The following PTBP1 variants were observed in gnomAD, a reference collection of about 807,000 sequenced individuals.
PTBP1 encodes the protein polypyrimidine tract binding protein 1.
A neutral mutation model predicts 59.8 loss-of-function variants in PTBP1; 8 were observed. The observed-to-expected ratio is 0.13, with a 90% CI of 0.08 to 0.24. The LOEUF (loss-of-function observed/expected upper bound fraction) is 0.24, where lower values mean the gene tolerates loss of function less well. Ranked by LOEUF, PTBP1 falls within the 10% of genes least tolerant of loss-of-function variation. PTBP1 has a pLI of 1.00. For missense variants in PTBP1, 686 were observed against 767.0 expected, an observed-to-expected ratio of 0.89 and a Z score of 1.25; for synonymous variants, 490 against 320.7, an observed-to-expected ratio of 1.53 and a Z score of -5.64.
In PTBP1 at chr19:806,434, G is replaced by T; in HGVS notation, c.997G>T (p.Ala333Ser). The part of the protein sequence containing the change: ...AGLSVPNVHG[A>S]LAPLAIPSAA... The stretch of plus-strand genomic sequence containing the variant: ...CCTTTCCGTTCCGAACGTCCACGGC[G>T]CCCTGGCCCCCCTGGCCATCCCCTC... Residue 333 changes from alanine to serine, a missense_variant, in exon 10 of 15, where the codon GCC becomes TCC. Transcript: ENST00000356948. 6.2e-7 allele frequency: 1 copy of T among 1,601,784 alleles called. No homozygotes were observed. Among genetic ancestry groups the T allele is most frequent in the Non-Finnish European group, 8.5e-7 (1 of 1,174,564 alleles).
At chr19:798,865 C>T (rs932392582) in intron 1 of PTBP1, among the ~76,000 whole-genome samples, 1 of 152,210 alleles carries the variant, frequency 6.6e-6, no homozygotes, top group Non-Finnish European at 1.5e-5. Flanking sequence ...GTAACTGAGG[C>T]TGTGTTCTGG....
Position 804,184 on chromosome 19 carries a change from C to T in PTBP1, c.264C>T (p.Leu88=), listed in dbSNP as rs61757784. The change falls in exon 4 of 15, where the codon CTC becomes CTT. Residue 88 remains leucine (L), a synonymous_variant. Transcript: ENST00000356948. ...LGLPFGKVTN[L]LMLKGKNQAF... is the part of the protein sequence containing the mutation. ...TGCCCTTTGGGAAGGTCACCAACCT[C>T]CTGATGCTGAAGGGGAAAAACCAGG... The T allele has an allele frequency of 4.0e-3, 6,472 of 1,609,044 alleles. 18 individuals are homozygous for T. The highest frequency in any genetic ancestry group is 8.1e-3 in the Admixed American group (481 of 59,592).
rs757282180 is a variant in PTBP1, at chr19:808,516, C to G, written c.1247-30C>G. 4 of 1,560,814 alleles carry G rather than the reference C, an allele frequency of 2.6e-6. No homozygotes were observed. The highest frequency in any genetic ancestry group is 3.5e-6 in the Non-Finnish European group (4 of 1,154,606). ...GGCGGGGGCTGCGTTCCCTCTCGGGCGCCTGGTCACGCGGGTGCTGCTCCC... is the reference window on the plus strand; with the variant it reads ...GGCGGGGGCTGCGTTCCCTCTCGGGGGCCTGGTCACGCGGGTGCTGCTCCC... On this transcript the variant is annotated intron_variant, in intron 12 of 14. Coordinates refer to ENST00000356948, the MANE Select transcript of PTBP1 (RefSeq NM_002819.5). This position sits in a 1 kb window ranked among gnomAD's most constrained non-coding sequence, Gnocchi z 4.7.
In PTBP1 at chr19:811,888, CCT is replaced by C. The variant is rs2034895142; in HGVS notation, c.*1065_*1066del. The C allele has an allele frequency of 6.6e-6, 1 of 151,810 alleles. No homozygotes were observed. The highest frequency in any genetic ancestry group is 1.5e-5 in the Non-Finnish European group (1 of 67,888). The allele number at this position is 151,810 out of a possible 1,614,324, so 9.4% of individuals were successfully genotyped here. A position where few individuals can be genotyped will look rare whatever the true frequency, so the allele number is the denominator to read the frequency against. ...AAGTCTCATTTCTGTGTTTTGCCTGCCTCTGATGCTGGGACCCGGAAGGCGGG... is the reference window on the plus strand; with the variant it reads ...AAGTCTCATTTCTGTGTTTTGCCTGCCTGATGCTGGGACCCGGAAGGCGGG... On this transcript the variant is annotated 3_prime_UTR_variant, in exon 15 of 15. Coordinates refer to ENST00000356948, the MANE Select transcript of PTBP1 (RefSeq NM_002819.5).
At position 804,711 on chromosome 19, in the gene PTBP1, G is replaced by A; in HGVS notation, c.606+9G>A. ...TGGATGTGCTGCACCAGGTGAGGTG[G>A]TCCCATCACCGCCAGGGCAGGTCGG... On this transcript the variant is annotated intron_variant, in intron 6 of 14. Transcript: ENST00000356948. 1 of 1,610,832 alleles carries A rather than the reference G, an allele frequency of 6.2e-7. No individual in the cohort carries two copies. The highest frequency in any genetic ancestry group is 8.5e-7 in the Non-Finnish European group (1 of 1,177,780).
chr19:797,730 C>T (rs969786084), intron 1 of PTBP1, among the ~76,000 whole-genome samples: 5 of 148,386 alleles, frequency 3.4e-5, no homozygotes, highest in South Asian at 2.1e-4. Context: ...TTCCGGCCCC[C>T]GCGCGCCCCG....
In PTBP1 at chr19:810,854, C is replaced by T. The variant is rs745623176; in HGVS notation, c.*28C>T. ...GCACAGGCCCCCACGGCCGGGCCCC[C>T]TGGCGACAACTTCCATCATTCCAGA... On this transcript the variant is annotated 3_prime_UTR_variant, in exon 15 of 15. Coordinates refer to ENST00000356948, the MANE Select transcript of PTBP1 (RefSeq NM_002819.5). 12 of 1,503,674 alleles carry T rather than the reference C, an allele frequency of 8.0e-6. No individual in the cohort carries two copies. Among genetic ancestry groups the T allele is most frequent in the Admixed American group, 7.6e-5 (3 of 39,618 alleles). The allele number at this position is 1,503,674 out of a possible 1,614,324, so 93.1% of individuals were successfully genotyped here.
chr19:799,557 G>T, intron 2 of PTBP1, 114 bp downstream of exon 2: 1 of 1,019,222 alleles, frequency 9.8e-7, no homozygotes, highest in Non-Finnish European at 1.6e-6. Context: ...ATTCCTAAGG[G>T]GCACTACCCT....
rs1254452329 is a variant in PTBP1, at chr19:806,468, C to T, written c.1031C>T (p.Ala344Val). 5 of 1,593,108 alleles carry T rather than the reference C, an allele frequency of 3.1e-6. No individual in the cohort carries two copies. The highest frequency in any genetic ancestry group is 4.3e-6 in the Non-Finnish European group (5 of 1,170,930). The change falls in exon 10 of 15, where the codon GCG (alanine) becomes GTG (valine). Residue 344 changes from alanine (A) to valine (V), a missense_variant. Transcript: ENST00000356948. Reference protein sequence around the residue: ...LAPLAIPSAAAAAAAAGRIAI... With the variant: ...LAPLAIPSAAVAAAAAGRIAI... The stretch of plus-strand genomic sequence containing the variant: ...CCCCTGGCCATCCCCTCGGCGGCGG[C>T]GGCAGCTGCGGCGGCAGGTCGGATC...
At position 805,061 on chromosome 19, in the gene PTBP1, G is replaced by C; in HGVS notation, c.766G>C (p.Asp256His). 6.2e-7 allele frequency: 1 copy of C among 1,613,840 alleles called. No individual in the cohort carries two copies. Among genetic ancestry groups the C allele is most frequent in the Non-Finnish European group, 8.5e-7 (1 of 1,179,890 alleles). ...CAACGCCTGCTGCACGCTGCGCATC[G>C]ACTTTTCCAAGCTCACCAGCCTCAA... ...IYNACCTLRI[D>H]FSKLTSLNVK... Residue 256 changes from aspartate to histidine, a missense_variant, in exon 8 of 15, where the codon GAC becomes CAC. Physicochemically the swap from Asp to His is moderately conservative, Grantham distance 81. Transcript: ENST00000356948.
chr19:804,758 G>A (rs2034487001), intron 6 of PTBP1, 56 bp downstream of exon 6: 3 of 1,609,266 alleles, frequency 1.9e-6, no homozygotes, highest in East Asian at 4.5e-5. Context: ...GTGGGCACAG[G>A]CACACGGGAG....
In PTBP1 at chr19:808,878, C is replaced by G. The variant is rs1199358789; in HGVS notation, c.1463+116C>G. 3 of 987,742 alleles carry G rather than the reference C, an allele frequency of 3.0e-6. No homozygotes were observed. Among genetic ancestry groups the G allele is most frequent in the Non-Finnish European group, 4.6e-6 (3 of 655,990 alleles). 61.2% of individuals were successfully genotyped at this position (987,742 alleles called of 1,614,324 possible). On this transcript the variant is annotated intron_variant, in intron 13 of 14. Transcript: ENST00000356948. The surrounding 1 kb of genome is among the most constrained non-coding windows in gnomAD (Gnocchi z 4.7). ...TTTCCAGAGTGCAGGTCGGGCACCT[C>G]TTACCCCAAACCTGAAGTACTGCAA... is the stretch of plus-strand genomic sequence containing the variant.
At chr19:802,826 T>G (rs532567165) in intron 2 of PTBP1, among the ~76,000 whole-genome samples, 2 of 152,210 alleles carry the variant, frequency 1.3e-5, no homozygotes, top group Non-Finnish European at 2.9e-5. Context: ...TTCTTAGAAG[T>G]TGATCCAATT....
At chr19:806,884 G>A (rs1282294730) in intron 10 of PTBP1, 5 of 226,128 alleles carry the variant, frequency 2.2e-5, no homozygotes, top group Non-Finnish European at 4.3e-5. Flanking sequence ...GCTGGTCAGC[G>A]GGACACACAG....
In PTBP1 at chr19:808,492, G is replaced by A; in HGVS notation, c.1246+40G>A. 6.4e-7 allele frequency: 1 copy of A among 1,558,090 alleles called. No individual in the cohort carries two copies. Among genetic ancestry groups the A allele is most frequent in the African/African-American group, 1.4e-5 (1 of 73,574 alleles). ...CGGCCCCGGGGTGGAGGGGGCAGGGGCGGGGGCTGCGTTCCCTCTCGGGCG... is the reference window on the plus strand; with the variant it reads ...CGGCCCCGGGGTGGAGGGGGCAGGGACGGGGGCTGCGTTCCCTCTCGGGCG... On this transcript the variant is annotated intron_variant, in intron 12 of 14. Coordinates refer to ENST00000356948, the MANE Select transcript of PTBP1 (RefSeq NM_002819.5). The surrounding 1 kb of genome is among the most constrained non-coding windows in gnomAD (Gnocchi z 4.7).
intron 3 of PTBP1, 68 bp from the exon 4 acceptor site, chr19:803,968 A>G: frequency 6.3e-7 from 1 of 1,578,686 alleles, no homozygotes; most frequent in Non-Finnish European, 8.7e-7. Flanking sequence ...CTCTAGGGGG[A>G]TAGCAGGGAC....
In PTBP1 at chr19:808,883, C is replaced by T. The variant is rs915843466; in HGVS notation, c.1463+121C>T. 4.3e-6 allele frequency: 4 copies of T among 928,044 alleles called. No individual in the cohort carries two copies. Among genetic ancestry groups the T allele is most frequent in the South Asian group, 3.2e-5 (2 of 63,420 alleles). 57.5% of individuals were successfully genotyped at this position (928,044 alleles called of 1,614,324 possible). On this transcript the variant is annotated intron_variant, in intron 13 of 14. Coordinates refer to ENST00000356948, the MANE Select transcript of PTBP1 (RefSeq NM_002819.5). The surrounding 1 kb of genome is among the most constrained non-coding windows in gnomAD (Gnocchi z 4.7). ...AGAGTGCAGGTCGGGCACCTCTTAC[C>T]CCAAACCTGAAGTACTGCAAGGCCT... is the stretch of plus-strand genomic sequence containing the variant.
Position 811,071 on chromosome 19 carries a change from A to C in PTBP1, c.*245A>C, listed in dbSNP as rs1268888224. 1 of 427,422 alleles carries C rather than the reference A, an allele frequency of 2.3e-6. No individual in the cohort carries two copies. The highest frequency in any genetic ancestry group is 4.1e-6 in the Non-Finnish European group (1 of 245,934). 26.5% of individuals were successfully genotyped at this position (427,422 alleles called of 1,614,324 possible). A position where few individuals can be genotyped will look rare whatever the true frequency, so the allele number is the denominator to read the frequency against. On this transcript the variant is annotated 3_prime_UTR_variant, in exon 15 of 15. Coordinates refer to ENST00000356948, the MANE Select transcript of PTBP1 (RefSeq NM_002819.5). ...TTCCCGGCCCTCCACACCCGGGGCCAGACCCTCGGGGCCATGCCTTGGTGG... is the reference window on the plus strand; with the variant it reads ...TTCCCGGCCCTCCACACCCGGGGCCCGACCCTCGGGGCCATGCCTTGGTGG...
intron 1 of PTBP1, 89 bp from the exon 2 acceptor site, chr19:799,324 T>TA (rs753922344): frequency 8.0e-7 from 1 of 1,245,094 alleles, no homozygotes; most frequent in African/African-American, 1.5e-5. Flanking sequence ...TGCAGGGACC[T>TA]ACGGGCTCTC....
Sources: allele counts gnomAD v4.1 joint callset (sites outside exome capture counted in the v4.1 genomes callset), GRCh38; gene constraint gnomAD v4.1.1; non-coding constraint Gnocchi (gnomAD v3.1); transcripts MANE v1.5; gene names NCBI Gene and HGNC (gene_info 2026-07-23, HGNC 2026-07-21).